Variants in MMRN1 observed in about 807,000 individuals in gnomAD.
MMRN1 encodes multimerin 1, also known as multimerin-1.
MMRN1 carries 94 observed loss-of-function variants against 100.7 expected under a neutral mutation model. The ratio of observed to expected loss-of-function variants is 0.93; its 90% confidence interval spans 0.79 to 1.11. MMRN1 has a LOEUF of 1.11. MMRN1 is among the 50% of genes least tolerant of loss of function. MMRN1 has a pLI of 0.00. For missense variants in MMRN1, 1,606 were observed against 1,439.1 expected (o/e 1.12, Z -1.88); for synonymous variants, 575 against 505.0 (o/e 1.14, Z -1.86).
At chr4:89,932,485 A>G (rs1216723162) in intron 5 of MMRN1, among the ~76,000 whole-genome samples, 1 of 152,178 alleles carries the variant, frequency 6.6e-6, no homozygotes, top group African/African-American at 2.4e-5. Flanking sequence ...GTCCCACCCC[A>G]CATTTCCCTT....
intron 6 of MMRN1, among the ~76,000 whole-genome samples, chr4:89,938,770 C>T (rs1372706266): frequency 1.3e-5 from 2 of 151,656 alleles, no homozygotes; most frequent in Non-Finnish European, 2.9e-5. Flanking sequence ...GCTTCCTGTT[C>T]CTTTATTTAC....
At chr4:89,938,478 T>TAC (rs1213214271) in intron 6 of MMRN1, among the ~76,000 whole-genome samples, 2 of 4,926 alleles carry the variant, frequency 4.1e-4, no homozygotes, top group Admixed American at 2.0e-3. Flanking sequence ...TTTTTAAACA[T>TAC]ATATATATAT....
intron 1 of MMRN1, chr4:89,902,146 A>T (rs1220449649): frequency 1.4e-4 from 15 of 104,850 alleles, no homozygotes; most frequent in African/African-American, 5.4e-4. Flanking sequence ...TTCCCACAGG[A>T]AGGGGAATAT....
At position 89,895,968 on chromosome 4, in the gene MMRN1, A is replaced by G. The variant is rs554113745; in HGVS notation, c.623+374A>G. Among the ~76,000 whole-genome samples, 11 of 152,310 alleles carry G rather than the reference A, an allele frequency of 7.2e-5. No individual in the cohort carries two copies. In the South Asian group the frequency reaches 1.9e-3, roughly 26 times the overall value. ...ATGAAAGACAAAAATAAACAAATAA[A>G]TAAAATTGGGGCTTGAACAGATGTG... On this transcript the variant is annotated intron_variant, in intron 1 of 7. Transcript: ENST00000264790.
chr4:89,944,890 T>C (rs995054396), intron 6 of MMRN1, among the ~76,000 whole-genome samples: 1 of 152,180 alleles, frequency 6.6e-6, no homozygotes, highest in African/African-American at 2.4e-5. Context: ...TAGTTAAATG[T>C]ACTAATGTTG....
chr4:89,916,389 C>T (rs1224563662), intron 3 of MMRN1, among the ~76,000 whole-genome samples: 1 of 143,930 alleles, frequency 6.9e-6, no homozygotes, highest in Non-Finnish European at 1.5e-5. Context: ...AACAAACAAA[C>T]AATAAATTTA....
rs1286722590 is a variant in MMRN1, at chr4:89,936,786, A to G, written c.3106A>G (p.Ile1036Val). ...IGRTQRNTDN[I>V]IYPEEYSSCS... ...CCGGACTCAAAGAAACACGGACAAC[A>G]TAATATATCCTGGTAAGCTGTTACT... The change falls in exon 6 of 8, where the codon ATA becomes GTA. Residue 1036 changes from isoleucine to valine, a missense_variant. Transcript: ENST00000264790. The G allele has an allele frequency of 6.3e-7, 1 of 1,591,970 alleles. No homozygotes were observed.
Position 89,895,621 on chromosome 4 carries a change from C to A in MMRN1, c.623+27C>A, listed in dbSNP as rs908876926. 9 of 1,591,788 alleles carry A rather than the reference C, an allele frequency of 5.7e-6. No individual in the cohort carries two copies. The Admixed American group carries it at 1.2e-4, about 22-fold the overall frequency. On this transcript the variant is annotated intron_variant, in intron 1 of 7. Transcript: ENST00000264790. ...TAAGAAATCTTCTTTTCTTTTTGTT[C>A]TTTCTCTGTCTATCAGGTCTAGAAG...
chr4:89,894,206 G>T (rs186749302), upstream of MMRN1, among the ~76,000 whole-genome samples: 1 of 152,240 alleles, frequency 6.6e-6, no homozygotes, highest in East Asian at 1.9e-4. Context: ...ATCTCTGGTA[G>T]AAGTTCCAGG....
chr4:89,921,225 C>A (rs1001348248), intron 3 of MMRN1, among the ~76,000 whole-genome samples: 1 of 152,024 alleles, frequency 6.6e-6, no homozygotes, highest in Admixed American at 6.6e-5. Flanking sequence ...ATTGTTCATC[C>A]TGTTAAATTC....
At chr4:89,932,824 A>C (rs1169229918) in intron 5 of MMRN1, among the ~76,000 whole-genome samples, 1 of 152,030 alleles carries the variant, frequency 6.6e-6, no homozygotes, top group African/African-American at 2.4e-5. Context: ...TGCTGGGAAG[A>C]CCTCTGACAT....
At chr4:89,928,879 G>A (rs78053189) in intron 5 of MMRN1, among the ~76,000 whole-genome samples, 6,365 of 152,178 alleles carry the variant, frequency 0.042, 337 homozygotes, top group African/African-American at 0.12. Flanking sequence ...CATGGATACA[G>A]GGAATTAGCA....
chr4:89,885,233 T>A (rs975000805), intron 1 of MMRN1, among the ~76,000 whole-genome samples: 1 of 151,220 alleles, frequency 6.6e-6, no homozygotes, highest in African/African-American at 2.4e-5. Context: ...ATATGGTGAA[T>A]AACATTGCCT....
chr4:89,922,986 C>A (rs1722137101), intron 3 of MMRN1, among the ~76,000 whole-genome samples, 182 bp from the exon 4 acceptor site: 1 of 152,162 alleles, frequency 6.6e-6, no homozygotes, highest in Non-Finnish European at 1.5e-5. Flanking sequence ...GCATTTCCCA[C>A]TCCAATGTGG....
In MMRN1 at chr4:89,934,824, A is replaced by C; in HGVS notation, c.1144A>C (p.Ser382Arg). ...QSLLKGLKSK[S>R]INVLIRDIVR... ...TCTTTCTCTAGGTCTAAAATCCAAA[A>C]GCATTAATGTACTGATAAGAGACAT... is the stretch of plus-strand genomic sequence containing the variant. Residue 382 changes from serine (S) to arginine (R), a missense_variant, in exon 6 of 8, where the codon AGC (serine) becomes CGC (arginine). Ser to Arg is a moderately radical substitution (Grantham distance 110, BLOSUM62 -1). Coordinates refer to ENST00000264790, the MANE Select transcript of MMRN1 (RefSeq NM_007351.3). 6.8e-7 allele frequency: 1 copy of C among 1,481,368 alleles called. No individual in the cohort carries two copies. Among genetic ancestry groups the C allele is most frequent in the Non-Finnish European group, 9.0e-7 (1 of 1,110,940 alleles). The allele number at this position is 1,481,368 out of a possible 1,614,324, so 91.8% of individuals were successfully genotyped here.
intron 1 of MMRN1, among the ~76,000 whole-genome samples, chr4:89,887,811 C>T (rs1720969927): frequency 6.6e-6 from 1 of 151,800 alleles, no homozygotes; most frequent in Non-Finnish European, 1.5e-5. Context: ...GTTCCTCTGT[C>T]TTGAATTTTA....
chr4:89,891,828 T>A (rs186694068), upstream of MMRN1, among the ~76,000 whole-genome samples: 489 of 152,120 alleles, frequency 3.2e-3, 1 homozygote, highest in African/African-American at 9.9e-3. Context: ...GAATTTCTCA[T>A]GTGAAAAATG....
intron 2 of MMRN1, among the ~76,000 whole-genome samples, chr4:89,910,185 C>T (rs770144504): frequency 1.3e-5 from 2 of 151,352 alleles, no homozygotes; most frequent in Non-Finnish European, 3.0e-5. Flanking sequence ...TGAGGAATAG[C>T]TAAGGTTCAT....
chr4:89,952,851 A>C lies in MMRN1; in HGVS notation c.3266-146A>C, dbSNP rs139103900. On this transcript the variant is annotated intron_variant, in intron 7 of 7. Transcript: ENST00000264790. Reference sequence around the variant, plus strand: ...CCCCAGAGAAGAGACAGGCATTGAGACACGTGCACCTTTGCTAAGTTTGAT... The same window carrying C: ...CCCCAGAGAAGAGACAGGCATTGAGCCACGTGCACCTTTGCTAAGTTTGAT... 28 of 681,548 alleles carry C rather than the reference A, an allele frequency of 4.1e-5. No homozygotes were observed. The South Asian group carries it at 5.8e-4, about 14-fold the overall frequency. The allele number at this position is 681,548 out of a possible 1,614,324, so 42.2% of individuals were successfully genotyped here.
Sources: gnomAD v4.1 joint callset for allele counts (sites outside exome capture counted in the v4.1 genomes callset) on GRCh38, gnomAD v4.1.1 for gene constraint, MANE v1.5 for transcripts, NCBI Gene and HGNC (gene_info 2026-07-23, HGNC 2026-07-21) for gene names.